PRKDC: variants seen among roughly 807,000 people sequenced by gnomAD.
PRKDC encodes DNA-dependent protein kinase catalytic subunit.
Under a neutral mutation model 486.9 loss-of-function variants are expected in PRKDC, and 82 were observed. That is an observed-to-expected ratio of 0.17 (90% CI 0.14 to 0.20). PRKDC has a LOEUF of 0.20. PRKDC is among the 10% of genes least tolerant of loss of function. The probability of loss-of-function intolerance (pLI) is 1.00; values close to 1 mark genes in which losing one functional copy is unlikely to be tolerated. For missense variants in PRKDC, 4,504 were observed against 5,038.2 expected, an observed-to-expected ratio of 0.89 and a Z score of 3.21; for synonymous variants, 1,895 against 1,837.0, an observed-to-expected ratio of 1.03 and a Z score of -0.81.
At chr8:47,823,795 A>G (rs1367873516) in intron 64 of PRKDC, 63 bp downstream of exon 64, 3 of 1,579,576 alleles carry the variant, frequency 1.9e-6, no homozygotes, top group Non-Finnish European at 2.6e-6. Context: ...GCTTAAAGTC[A>G]TAGTTCAGCA....
In PRKDC at chr8:47,934,912, C is replaced by T. The variant is rs182550024; in HGVS notation, c.1497+97G>A. On this transcript the variant is annotated intron_variant, in intron 14 of 85. Coordinates refer to ENST00000314191, the MANE Select transcript of PRKDC (RefSeq NM_006904.7). ...GCATTGCTAATAACTAAGAAAAGAA[C>T]GGCCACTTTTGCAAAATTATATTCG... The T allele has an allele frequency of 9.0e-5, 79 of 878,238 alleles. No individual in the cohort carries two copies. The East Asian group carries it at 1.7e-3, about 18-fold the overall frequency. 54.4% of individuals were successfully genotyped at this position (878,238 alleles called of 1,614,324 possible).
chr8:47,822,143 A>G (rs938499131), intron 64 of PRKDC, among the ~76,000 whole-genome samples: 1 of 152,062 alleles, frequency 6.6e-6, no homozygotes, highest in Non-Finnish European at 1.5e-5. Flanking sequence ...AAACACAAAA[A>G]CTAGCTAGGT....
At chr8:47,933,863 G>C (rs2090300444) in intron 15 of PRKDC, 102 bp downstream of exon 15, 1 of 1,271,472 alleles carries the variant, frequency 7.9e-7, no homozygotes, top group Non-Finnish European at 1.0e-6. Context: ...TTAAACTTTT[G>C]AAAGTTAGTA....
intron 73 of PRKDC, among the ~76,000 whole-genome samples, chr8:47,795,618 C>T (rs1219147063): frequency 6.6e-6 from 1 of 151,376 alleles, no homozygotes; most frequent in South Asian, 2.1e-4. Flanking sequence ...CTCAGCCTTC[C>T]GAGTAGCTGG....
At chr8:47,925,298 G>C (rs1209784211) in intron 21 of PRKDC, among the ~76,000 whole-genome samples, 3 of 152,172 alleles carry the variant, frequency 2.0e-5, no homozygotes, top group Admixed American at 6.5e-5. Flanking sequence ...ACCAGCAAAG[G>C]CACCAAGTGT....
intron 52 of PRKDC, 140 bp from the exon 53 acceptor site, chr8:47,849,643 T>A: frequency 2.1e-6 from 2 of 975,416 alleles, no homozygotes; most frequent in Non-Finnish European, 3.0e-6. Context: ...GATGGGACAG[T>A]AGGTGCTGGG....
intron 76 of PRKDC, among the ~76,000 whole-genome samples, chr8:47,787,284 T>A (rs944723939): frequency 6.6e-6 from 1 of 152,250 alleles, no homozygotes; most frequent in Non-Finnish European, 1.5e-5. Context: ...ACGTGCTCTA[T>A]TTTAAGACAA....
chr8:47,921,656 G>A (rs2090073925), intron 21 of PRKDC, among the ~76,000 whole-genome samples: 1 of 152,134 alleles, frequency 6.6e-6, no homozygotes, highest in Non-Finnish European at 1.5e-5. Flanking sequence ...CATACTGCTG[G>A]TGTGTAAGGC....
chr8:47,832,188 C>T (rs996539531), intron 59 of PRKDC, among the ~76,000 whole-genome samples: 5 of 152,228 alleles, frequency 3.3e-5, no homozygotes, highest in Non-Finnish European at 7.3e-5. Flanking sequence ...CCGCCCAACT[C>T]GCCTGGCAGT....
intron 69 of PRKDC, among the ~76,000 whole-genome samples, chr8:47,806,028 C>A (rs937133681): frequency 2.0e-5 from 3 of 152,216 alleles, no homozygotes; most frequent in African/African-American, 7.2e-5. Context: ...CTCCCGCCCT[C>A]TGCAAACCCA....
intron 54 of PRKDC, among the ~76,000 whole-genome samples, chr8:47,845,740 G>A (rs2088248792): frequency 6.7e-6 from 1 of 149,994 alleles, no homozygotes; most frequent in Non-Finnish European, 1.5e-5. Context: ...ATTCACAGCT[G>A]AATTCTACCA....
intron 11 of PRKDC, among the ~76,000 whole-genome samples, chr8:47,937,594 GA>G (rs1439046263): frequency 5.9e-5 from 9 of 152,162 alleles, no homozygotes; most frequent in Non-Finnish European, 1.3e-4. Context: ...TAGGACTTCT[GA>G]ATCTAGTCCA....
At chr8:47,849,331 AG>A (rs2088350368) in intron 53 of PRKDC, 28 bp from the exon 54 acceptor site, 1 of 1,613,760 alleles carries the variant, frequency 6.2e-7, no homozygotes, top group South Asian at 1.1e-5. Flanking sequence ...TGGTGAGAGG[AG>A]GGCCGAGGAC....
intron 54 of PRKDC, 32 bp downstream of exon 54, chr8:47,849,122 G>A (rs2088343480): frequency 6.2e-7 from 1 of 1,606,974 alleles, no homozygotes; most frequent in Non-Finnish European, 8.5e-7. Flanking sequence ...ATGAGCCAGT[G>A]GGACCCAAGA....
At chr8:47,804,689 G>A (rs968458765) in intron 69 of PRKDC, among the ~76,000 whole-genome samples, 12 of 152,282 alleles carry the variant, frequency 7.9e-5, no homozygotes, top group Middle Eastern at 6.8e-3. Context: ...ATTTCCATGT[G>A]AGCTTAAGCT....
chr8:47,785,020 T>C, intron 77 of PRKDC, 93 bp downstream of exon 77: 1 of 1,184,236 alleles, frequency 8.4e-7, no homozygotes, highest in Non-Finnish European at 1.2e-6. Flanking sequence ...TAACTGTCAA[T>C]ATCCCAGTAT....
At chr8:47,922,327 C>T (rs914408378) in intron 21 of PRKDC, among the ~76,000 whole-genome samples, 8 of 152,168 alleles carry the variant, frequency 5.3e-5, no homozygotes, top group South Asian at 2.1e-4. Context: ...ACGAAATTAG[C>T]CAGGTGCAGT....
chr8:47,904,254 CT>C (rs2089733279), intron 26 of PRKDC, among the ~76,000 whole-genome samples: 1 of 151,998 alleles, frequency 6.6e-6, no homozygotes, highest in South Asian at 2.1e-4. Context: ...CTCAGAAATT[CT>C]TCTTATTCTT....
rs2086657144 is a variant in PRKDC at position 47,779,112 on chromosome 8, G to A, written c.11490-19C>T. 6.6e-7 allele frequency: 1 copy of A among 1,523,440 alleles called. No homozygotes were observed. Among genetic ancestry groups the A allele is most frequent in the African/African-American group, 1.4e-5 (1 of 73,178 alleles). The allele number at this position is 1,523,440 out of a possible 1,614,324, so 94.4% of individuals were successfully genotyped here. A position where few individuals can be genotyped will look rare whatever the true frequency, so the allele number is the denominator to read the frequency against. On this transcript the variant is annotated intron_variant, in intron 80 of 85. Coordinates refer to ENST00000314191, the MANE Select transcript of PRKDC (RefSeq NM_006904.7). ...GGGATCACTAATGAGTGAGAAAAGG[G>A]GAATTGGAATTAGGAAGATTTTAGC... is the stretch of plus-strand genomic sequence containing the variant.
Sources: allele counts gnomAD v4.1 joint callset (sites outside exome capture counted in the v4.1 genomes callset), GRCh38; gene constraint gnomAD v4.1.1; transcripts MANE v1.5; gene names NCBI Gene and HGNC (gene_info 2026-07-23, HGNC 2026-07-21).